Variants in AGBL4 observed in about 807,000 individuals in gnomAD.
The protein encoded by AGBL4 is cytosolic carboxypeptidase 6.
AGBL4 carries 58 observed loss-of-function variants against 66.4 expected under a neutral mutation model. The ratio of observed to expected loss-of-function variants is 0.87; its 90% CI spans 0.71 to 1.09. The LOEUF is 1.09. Among genes scored for constraint, AGBL4 ranks in the 50% least tolerant of loss-of-function variants. AGBL4 has a pLI of 0.00. For missense variants in AGBL4, 579 were observed against 631.0 expected, an observed-to-expected ratio of 0.92 and a Z score of 0.88; for synonymous variants, 234 against 222.9, an observed-to-expected ratio of 1.05 and a Z score of -0.44.
intron 2 of AGBL4, among the ~76,000 whole-genome samples, chr1:49,727,610 G>T (rs535128233): frequency 1.3e-5 from 2 of 152,196 alleles, no homozygotes; most frequent in Admixed American, 1.3e-4. Flanking sequence ...AGCTTAGGTG[G>T]AAACAATATA....
At chr1:49,005,721 C>G (rs538877578) in intron 5 of AGBL4, among the ~76,000 whole-genome samples, 1 of 152,238 alleles carries the variant, frequency 6.6e-6, no homozygotes, top group South Asian at 2.1e-4. Context: ...CAGACATTCA[C>G]TGAGGGTCTC....
At chr1:49,153,332 T>C (rs1166168596) in intron 4 of AGBL4, among the ~76,000 whole-genome samples, 1 of 152,078 alleles carries the variant, frequency 6.6e-6, no homozygotes, top group Non-Finnish European at 1.5e-5. Flanking sequence ...CAACTAGTGC[T>C]GCATAAAGAA....
intron 1 of AGBL4, among the ~76,000 whole-genome samples, chr1:49,896,210 A>G (rs1287655586): frequency 6.6e-6 from 1 of 152,124 alleles, no homozygotes; most frequent in Non-Finnish European, 1.5e-5. Context: ...TATGTACCCA[A>G]TATTGGAGAA....
At chr1:49,202,270 A>AAT (rs1356969736) in intron 4 of AGBL4, among the ~76,000 whole-genome samples, 1 of 152,160 alleles carries the variant, frequency 6.6e-6, no homozygotes, top group African/African-American at 2.4e-5. Context: ...CGCTATTTGC[A>AAT]ATATATATAT....
intron 2 of AGBL4, among the ~76,000 whole-genome samples, chr1:49,838,918 G>A (rs1645920154): frequency 6.6e-6 from 1 of 152,144 alleles, no homozygotes. Context: ...TAAAGCATAA[G>A]AGGGTGGTTT....
intron 2 of AGBL4, among the ~76,000 whole-genome samples, chr1:49,847,434 T>C (rs1292735609): frequency 6.6e-6 from 1 of 151,966 alleles, no homozygotes; most frequent in African/African-American, 2.4e-5. Flanking sequence ...CTAAAAAGCT[T>C]CCACACAGCA....
Position 49,797,135 on chromosome 1 carries a change from C to A in AGBL4, c.157+54261G>T, listed in dbSNP as rs149035577. Among the ~76,000 whole-genome samples, 190 of 152,226 alleles carry A rather than the reference C, an allele frequency of 1.2e-3. 2 individuals are homozygous for A. The Middle Eastern group carries it at 0.017, about 14-fold the overall frequency. On this transcript the variant is annotated intron_variant, in intron 2 of 13. Coordinates refer to ENST00000371839, the MANE Select transcript of AGBL4 (RefSeq NM_032785.4). ...GCAAATTTTTTATCAACTTTCTATT[C>A]ATAAAATAACGATATTAGTAAATCC...
chr1:49,020,542 A>T (rs546119555), intron 5 of AGBL4, among the ~76,000 whole-genome samples: 2 of 152,284 alleles, frequency 1.3e-5, no homozygotes, highest in East Asian at 3.9e-4. Flanking sequence ...AGAGATGGAA[A>T]CACACCTATC....
intron 6 of AGBL4, among the ~76,000 whole-genome samples, chr1:48,842,753 G>C (rs923366705): frequency 6.6e-6 from 1 of 152,008 alleles, no homozygotes; most frequent in Non-Finnish European, 1.5e-5. Context: ...CAATAATCAA[G>C]GGTAGAAACA....
chr1:49,978,980 A>AT, intron 1 of AGBL4, among the ~76,000 whole-genome samples: 1 of 152,284 alleles, frequency 6.6e-6, no homozygotes, highest in South Asian at 2.1e-4. Context: ...ATATTGAAAA[A>AT]TTTTTTGAAG....
intron 4 of AGBL4, among the ~76,000 whole-genome samples, chr1:49,220,070 A>G (rs1057450179): frequency 6.6e-6 from 1 of 152,156 alleles, no homozygotes; most frequent in Non-Finnish European, 1.5e-5. Flanking sequence ...TTTAAAATAA[A>G]CCACAAAAAG....
rs143218240 is a variant in AGBL4, at chr1:49,018,912, A to G, written c.594+26672T>C. 1.8e-4 allele frequency among the ~76,000 whole-genome samples: 27 copies of G among 152,206 alleles called. No individual in the cohort carries two copies. In the East Asian group the frequency reaches 5.0e-3, roughly 28 times the overall value. ...AACAACCCAAATTACTTAATATAAA[A>G]TATTTGACCCTGTTATTCCTTTGTG... On this transcript the variant is annotated intron_variant, in intron 5 of 13. Transcript: ENST00000371839.
chr1:49,588,397 A>G (rs892678157), intron 3 of AGBL4, among the ~76,000 whole-genome samples: 2 of 152,180 alleles, frequency 1.3e-5, no homozygotes, highest in Non-Finnish European at 2.9e-5. Context: ...CCTAGCACCC[A>G]GTACAAATTT....
At chr1:49,011,485 G>T (rs1662405938) in intron 5 of AGBL4, among the ~76,000 whole-genome samples, 1 of 152,160 alleles carries the variant, frequency 6.6e-6, no homozygotes, top group Non-Finnish European at 1.5e-5. Flanking sequence ...ATTCCTCAGG[G>T]ATCTAGAACT....
At chr1:48,884,399 T>A (rs1186392636) in intron 5 of AGBL4, among the ~76,000 whole-genome samples, 1 of 152,114 alleles carries the variant, frequency 6.6e-6, no homozygotes, top group Non-Finnish European at 1.5e-5. Flanking sequence ...GACTTTTTTT[T>A]TTTTTCCTAT....
At chr1:48,651,983 T>C (rs1473864644) in intron 8 of AGBL4, among the ~76,000 whole-genome samples, 1 of 152,210 alleles carries the variant, frequency 6.6e-6, no homozygotes, top group Non-Finnish European at 1.5e-5. Flanking sequence ...TAAGGTTCAG[T>C]CTCTGCCCTC....
chr1:48,529,857 C>A (rs897730032), downstream of AGBL4, among the ~76,000 whole-genome samples: 3 of 152,038 alleles, frequency 2.0e-5, no homozygotes, highest in African/African-American at 4.8e-5. Context: ...GGGCCCCTTG[C>A]CTAAACGCTG....
chr1:49,686,799 C>T (rs1646795550), intron 3 of AGBL4, among the ~76,000 whole-genome samples: 1 of 152,124 alleles, frequency 6.6e-6, no homozygotes, highest in African/African-American at 2.4e-5. Context: ...TGTATATTAT[C>T]TCAGGTAGGT....
intron 6 of AGBL4, among the ~76,000 whole-genome samples, chr1:48,777,784 GGA>G (rs1645168055): frequency 6.6e-6 from 1 of 152,150 alleles, no homozygotes; most frequent in Non-Finnish European, 1.5e-5. Context: ...TTGGAATCGC[GGA>G]GGGAGTTGAG....
Sources: gnomAD v4.1 joint callset for allele counts (sites outside exome capture counted in the v4.1 genomes callset) on GRCh38, gnomAD v4.1.1 for gene constraint, MANE v1.5 for transcripts, NCBI Gene and HGNC (gene_info 2026-07-23, HGNC 2026-07-21) for gene names.